SV2B: variants seen among roughly 807,000 people sequenced by gnomAD.
The protein encoded by SV2B is synaptic vesicle glycoprotein 2B.
In SV2B, 41 loss-of-function variants were observed where a neutral mutation model predicts 73.9. That is an observed-to-expected ratio of 0.56 (90% CI 0.43 to 0.72). The LOEUF is 0.72. Ranked by LOEUF, SV2B falls within the 30% of genes least tolerant of loss-of-function variation. The pLI, the probability that SV2B is intolerant of heterozygous loss-of-function variation, is 0.00. For missense variants in SV2B, 764 were observed against 857.8 expected (o/e 0.89, Z 1.37); for synonymous variants, 314 against 314.2 (o/e 1.00, Z 0.01).
intron 1 of SV2B, among the ~76,000 whole-genome samples, chr15:91,167,979 G>A (rs12905479): frequency 0.46 from 69,582 of 151,688 alleles, 16,314 homozygotes; most frequent in East Asian, 0.7. Context: ...TTGTGGTGCT[G>A]TTTGGTTTCA....
chr15:91,277,967 T>C (rs1393861682), intron 9 of SV2B, among the ~76,000 whole-genome samples: 1 of 152,196 alleles, frequency 6.6e-6, no homozygotes, highest in Non-Finnish European at 1.5e-5. Context: ...TCTTTGAGTG[T>C]AAGAAAAGAA....
In SV2B at chr15:91,289,025, C is replaced by T. The variant is rs1179986743; in HGVS notation, c.1709-496C>T. On this transcript the variant is annotated intron_variant, in intron 11 of 12. Coordinates refer to ENST00000394232, the MANE Select transcript of SV2B (RefSeq NM_001323032.3). The surrounding 1 kb of genome is among the most constrained non-coding windows in gnomAD (Gnocchi z 4.9). Reference sequence around the variant, plus strand: ...GTATGTAAACCACATTTTCTTTATCCACTCATCTGTTGATGGCCACTTAGG... The same window carrying T: ...GTATGTAAACCACATTTTCTTTATCTACTCATCTGTTGATGGCCACTTAGG... 6.6e-6 allele frequency among the ~76,000 whole-genome samples: 1 copy of T among 152,106 alleles called. No individual in the cohort carries two copies. The highest frequency in any genetic ancestry group is 1.5e-5 in the Non-Finnish European group (1 of 68,016).
Position 91,267,781 on chromosome 15 carries a change from C to G in SV2B, c.1208+138C>G, listed in dbSNP as rs1193380754. On this transcript the variant is annotated intron_variant, in intron 8 of 12. Transcript: ENST00000394232. This position sits in a 1 kb window ranked among gnomAD's most constrained non-coding sequence, Gnocchi z 4.3. The stretch of plus-strand genomic sequence containing the variant: ...GGTGGCAAGTAGCAGAAAACCAACT[C>G]TAGTGGCTTCTACAAAGAAGAAACT... 3 of 690,100 alleles carry G rather than the reference C, an allele frequency of 4.3e-6. No homozygotes were observed. The highest frequency in any genetic ancestry group is 3.7e-5 in the African/African-American group (2 of 54,558). The allele number at this position is 690,100 out of a possible 1,614,324, so 42.7% of individuals were successfully genotyped here. A position where few individuals can be genotyped will look rare whatever the true frequency, so the allele number is the denominator to read the frequency against.
rs1274214500 is a variant in SV2B, at chr15:91,245,810, G to A, written c.452-6009G>A. ...GACTATCAGGGACGACTGAAATTTGGAACAGGAACCAACAAACTGTGGTCT... is the reference window on the plus strand; with the variant it reads ...GACTATCAGGGACGACTGAAATTTGAAACAGGAACCAACAAACTGTGGTCT... On this transcript the variant is annotated intron_variant, in intron 2 of 12. Coordinates refer to ENST00000394232, the MANE Select transcript of SV2B (RefSeq NM_001323032.3). The surrounding 1 kb of genome is among the most constrained non-coding windows in gnomAD (Gnocchi z 4.2). 6.6e-6 allele frequency among the ~76,000 whole-genome samples: 1 copy of A among 151,962 alleles called. No homozygotes were observed. The highest frequency in any genetic ancestry group is 1.9e-4 in the East Asian group (1 of 5,190).
intron 1 of SV2B, among the ~76,000 whole-genome samples, chr15:91,148,138 G>T (rs767660312): frequency 7.3e-5 from 11 of 151,354 alleles, no homozygotes; most frequent in Non-Finnish European, 1.5e-4. Flanking sequence ...GTGCCACCAC[G>T]CCTGGCTAAT....
chr15:91,123,602 G>A lies in SV2B; in HGVS notation c.-392+23239G>A, dbSNP rs1412772652. Among the ~76,000 whole-genome samples the A allele has an allele frequency of 6.6e-6, 1 of 152,144 alleles. No individual in the cohort carries two copies. Among genetic ancestry groups the A allele is most frequent in the Non-Finnish European group, 1.5e-5 (1 of 68,028 alleles). On this transcript the variant is annotated intron_variant, in intron 1 of 12. Transcript: ENST00000394232. This position sits in a 1 kb window ranked among gnomAD's most constrained non-coding sequence, Gnocchi z 4.7. ...AAAGTGGTCCCTGTGCATACTGTGT[G>A]ACTTATGGCACACAAATGGGGAGGT...
intron 2 of SV2B, among the ~76,000 whole-genome samples, chr15:91,243,446 GAGA>G (rs1166040823): frequency 1.4e-4 from 22 of 152,190 alleles, no homozygotes; most frequent in Admixed American, 3.3e-4. Context: ...TTTAGCCTGA[GAGA>G]AGATTAAGGA....
At chr15:91,164,959 G>A (rs1316465456) in intron 1 of SV2B, among the ~76,000 whole-genome samples, 5 of 152,156 alleles carry the variant, frequency 3.3e-5, no homozygotes. Flanking sequence ...AATTATGGGT[G>A]TTTATCTGTT....
rs889247236 is a variant in SV2B at position 91,130,726 on chromosome 15, A to G, written c.-392+30363A>G. Reference sequence around the variant, plus strand: ...GAAGAAGAGCTGCAGTCCTGGGGGCAAAGAGGGGAGTGTGTGGCGGTGCAC... The same window carrying G: ...GAAGAAGAGCTGCAGTCCTGGGGGCGAAGAGGGGAGTGTGTGGCGGTGCAC... On this transcript the variant is annotated intron_variant, in intron 1 of 12. Transcript: ENST00000394232. The surrounding 1 kb of genome is among the most constrained non-coding windows in gnomAD (Gnocchi z 5.6). Among the ~76,000 whole-genome samples, 4 of 152,162 alleles carry G rather than the reference A, an allele frequency of 2.6e-5. No individual in the cohort carries two copies. Among genetic ancestry groups the G allele is most frequent in the Non-Finnish European group, 5.9e-5 (4 of 68,024 alleles).
chr15:91,186,865 AAAAT>A (rs2044790908), intron 1 of SV2B, among the ~76,000 whole-genome samples: 1 of 152,060 alleles, frequency 6.6e-6, no homozygotes, highest in Non-Finnish European at 1.5e-5. Flanking sequence ...GTATACAAAT[AAAAT>A]AAATTAATAA....
At chr15:91,230,190 A>G (rs1031587584) in intron 2 of SV2B, among the ~76,000 whole-genome samples, 1 of 151,498 alleles carries the variant, frequency 6.6e-6, no homozygotes, top group Non-Finnish European at 1.5e-5. Context: ...GCAGTGAGCT[A>G]TCATTGTGCC....
At chr15:91,150,140 A>T (rs1292868905) in intron 1 of SV2B, among the ~76,000 whole-genome samples, 1 of 152,122 alleles carries the variant, frequency 6.6e-6, no homozygotes, top group African/African-American at 2.4e-5. Context: ...AGCAGCTGGG[A>T]TCCAGGTGCC....
chr15:91,221,693 G>GCACGCGCGCACACA (rs1555486429), intron 1 of SV2B, among the ~76,000 whole-genome samples: 1 of 140,068 alleles, frequency 7.1e-6, no homozygotes, highest in African/African-American at 2.8e-5. Flanking sequence ...AAGCATGTGC[G>GCACGCGCGCACACA]CACACACACA....
chr15:91,249,587 G>GT (rs1486974467), intron 2 of SV2B, among the ~76,000 whole-genome samples: 1 of 152,298 alleles, frequency 6.6e-6, no homozygotes, highest in East Asian at 1.9e-4. Flanking sequence ...GATCGAGTTG[G>GT]TTTTTTGAAA....
In SV2B at chr15:91,296,981, C is replaced by CTT. The variant is rs2049271264; in HGVS notation, c.*4429_*4430insTT. On this transcript the variant is annotated 3_prime_UTR_variant, in exon 13 of 13. Transcript: ENST00000394232. ...ATTGTTGGGAGCACGCTCCTTCTGC[C>CTT]CGATCGTTGGGCGCACGCTCCTTCT... 6.6e-6 allele frequency: 1 copy of CTT among 152,442 alleles called. No individual in the cohort carries two copies. Among genetic ancestry groups the CTT allele is most frequent in the African/African-American group, 2.5e-5 (1 of 40,808 alleles). 9.4% of individuals were successfully genotyped at this position (152,442 alleles called of 1,614,324 possible).
Position 91,242,949 on chromosome 15 carries a change from G to A in SV2B, c.452-8870G>A, listed in dbSNP as rs560515610. ...AGGGTCTATCTTCTGTAACACAGCA[G>A]TTGGCTGAAGTTAGGTGGTGGCTGC... On this transcript the variant is annotated intron_variant, in intron 2 of 12. Transcript: ENST00000394232. This position sits in a 1 kb window ranked among gnomAD's most constrained non-coding sequence, Gnocchi z 4.9. Among the ~76,000 whole-genome samples, 4 of 152,256 alleles carry A rather than the reference G, an allele frequency of 2.6e-5. No individual in the cohort carries two copies. The South Asian group carries it at 8.3e-4, about 32-fold the overall frequency.
At position 91,283,390 on chromosome 15, in the gene SV2B, A is replaced by G. The variant is rs559667885; in HGVS notation, c.1508-631A>G. ...TAGCTGCCGTGGCCCTCAGTGTCTC[A>G]GTGTCACCTGATTGGTACAAACAGG... On this transcript the variant is annotated intron_variant, in intron 10 of 12. Coordinates refer to ENST00000394232, the MANE Select transcript of SV2B (RefSeq NM_001323032.3). This position sits in a 1 kb window ranked among gnomAD's most constrained non-coding sequence, Gnocchi z 4.3. Among the ~76,000 whole-genome samples the G allele has an allele frequency of 8.9e-4, 136 of 152,120 alleles. No individual in the cohort carries two copies. The highest frequency in any genetic ancestry group is 3.1e-3 in the African/African-American group (127 of 41,492).
At chr15:91,285,801 G>T in intron 11 of SV2B, among the ~76,000 whole-genome samples, 1 of 152,070 alleles carries the variant, frequency 6.6e-6, no homozygotes. Context: ...GGGTTATAAG[G>T]CTGGGGTGGG....
At chr15:91,216,613 C>G (rs1368539859) in intron 1 of SV2B, among the ~76,000 whole-genome samples, 1 of 151,808 alleles carries the variant, frequency 6.6e-6, no homozygotes, top group Non-Finnish European at 1.5e-5. Flanking sequence ...GCTGAGACTA[C>G]AGGCATGTGC....
Sources: gnomAD v4.1 joint callset for allele counts (sites outside exome capture counted in the v4.1 genomes callset) on GRCh38, gnomAD v4.1.1 for gene constraint, Gnocchi (gnomAD v3.1) non-coding constraint, MANE v1.5 for transcripts, NCBI Gene and HGNC (gene_info 2026-07-23, HGNC 2026-07-21) for gene names.